Variants in UBE2K observed in about 807,000 individuals in gnomAD.
UBE2K encodes the protein ubiquitin-conjugating enzyme E2 K.
Under a neutral mutation model 30.0 loss-of-function variants are expected in UBE2K, and 6 were observed. The ratio of observed to expected loss-of-function variants is 0.20; its 90% CI spans 0.11 to 0.39. UBE2K has a LOEUF of 0.39. Among genes scored for constraint, UBE2K ranks in the 10% least tolerant of loss-of-function variants. UBE2K has a pLI of 1.00. For missense variants in UBE2K, 61 were observed against 241.6 expected (o/e 0.25, Z 4.96); for synonymous variants, 86 against 83.7 (o/e 1.03, Z -0.15).
intron 1 of UBE2K, chr4:39,713,882 C>T (rs112255008): frequency 2.6e-5 from 4 of 151,888 alleles, no homozygotes; most frequent in Non-Finnish European, 4.4e-5. Context: ...CATCCTTGCC[C>T]ATGAGCAGCT....
intron 4 of UBE2K, among the ~76,000 whole-genome samples, chr4:39,768,256 C>A (rs538722181): frequency 7.7e-6 from 1 of 129,612 alleles, no homozygotes; most frequent in South Asian, 2.5e-4. Context: ...CTGGCCAACA[C>A]GGTAAAACCC....
chr4:39,767,340 G>A (rs1305693816), intron 4 of UBE2K, among the ~76,000 whole-genome samples: 1 of 142,770 alleles, frequency 7.0e-6, no homozygotes, highest in Non-Finnish European at 1.5e-5. Flanking sequence ...TTGTTTGTTT[G>A]TTTTTTGAGA....
chr4:39,698,838 A>G (rs1313087124), intron 1 of UBE2K, among the ~76,000 whole-genome samples: 1 of 152,134 alleles, frequency 6.6e-6, no homozygotes, highest in Non-Finnish European at 1.5e-5. Flanking sequence ...ATTCGGGGTT[A>G]TTGCCTGTCA....
At chr4:39,777,929 GAAA>G in intron 6 of UBE2K, 119 bp downstream of exon 6, 1 of 933,324 alleles carries the variant, frequency 1.1e-6, no homozygotes, top group Non-Finnish European at 1.5e-6. Flanking sequence ...GCAACATGGC[GAAA>G]CCCATCTCTA....
intron 4 of UBE2K, among the ~76,000 whole-genome samples, chr4:39,762,700 T>C (rs1712034704): frequency 6.6e-6 from 1 of 152,222 alleles, no homozygotes; most frequent in African/African-American, 2.4e-5. Flanking sequence ...AATGGCACAA[T>C]CTTGGCTCAC....
At chr4:39,716,436 A>G (rs1719064848) in intron 1 of UBE2K, among the ~76,000 whole-genome samples, 1 of 152,012 alleles carries the variant, frequency 6.6e-6, no homozygotes, top group Non-Finnish European at 1.5e-5. Context: ...TTTTGTGGAG[A>G]CAGGGTTTTG....
At chr4:39,763,115 G>A (rs1302273433) in intron 4 of UBE2K, among the ~76,000 whole-genome samples, 1 of 144,406 alleles carries the variant, frequency 6.9e-6, no homozygotes, top group African/African-American at 2.6e-5. Context: ...GCTAATATTT[G>A]TGTTTTTAAT....
intron 1 of UBE2K, among the ~76,000 whole-genome samples, chr4:39,710,774 C>T (rs1201290556): frequency 1.3e-5 from 2 of 151,966 alleles, no homozygotes; most frequent in Admixed American, 6.6e-5. Flanking sequence ...GCTGCTTGCT[C>T]CCTACATTTT....
At chr4:39,734,641 T>A (rs1388268874) in intron 1 of UBE2K, among the ~76,000 whole-genome samples, 1 of 151,866 alleles carries the variant, frequency 6.6e-6, no homozygotes, top group Admixed American at 6.6e-5. Context: ...CAAAACCCCC[T>A]CTCTACTAAA....
rs28370449 is a variant in UBE2K, at chr4:39,738,534, C to T, written c.157+1021C>T. 7.5e-3 allele frequency among the ~76,000 whole-genome samples: 1,146 copies of T among 152,256 alleles called. 15 individuals carry two copies. Among genetic ancestry groups the T allele is most frequent in the African/African-American group, 0.026 (1,086 of 41,548 alleles). ...ATGCAAAGTTTTACTGTTACCCAAG[C>T]TGGAGAGCAGTGGCATGGTCATAGC... On this transcript the variant is annotated intron_variant, in intron 2 of 6. Coordinates refer to ENST00000261427, the MANE Select transcript of UBE2K (RefSeq NM_005339.5).
chr4:39,724,307 G>T (rs1719605669), intron 1 of UBE2K, among the ~76,000 whole-genome samples: 1 of 151,712 alleles, frequency 6.6e-6, no homozygotes, highest in African/African-American at 2.4e-5. Flanking sequence ...GTGGGGTTTT[G>T]CTGTGTTGAC....
intron 5 of UBE2K, 134 bp downstream of exon 5, chr4:39,775,067 ATTATT>A: frequency 2.0e-6 from 1 of 495,166 alleles, no homozygotes. Flanking sequence ...TTGTGGTAGG[ATTATT>A]TTGTCAGGTG....
chr4:39,711,311 C>T (rs1264610257), intron 1 of UBE2K, among the ~76,000 whole-genome samples: 4 of 151,032 alleles, frequency 2.6e-5, no homozygotes, highest in African/African-American at 7.3e-5. Flanking sequence ...TACAGGCGCC[C>T]GCCACCAAGC....
intron 4 of UBE2K, among the ~76,000 whole-genome samples, chr4:39,773,679 T>C (rs1276844906): frequency 1.3e-5 from 2 of 151,924 alleles, no homozygotes; most frequent in Non-Finnish European, 2.9e-5. Context: ...CCCAGCACTT[T>C]GGGAGGCCGA....
At chr4:39,745,345 C>A (rs1419681291) in intron 2 of UBE2K, among the ~76,000 whole-genome samples, 1 of 152,014 alleles carries the variant, frequency 6.6e-6, no homozygotes, top group African/African-American at 2.4e-5. Context: ...ATCATCTGTA[C>A]TTTTATACCT....
intron 1 of UBE2K, among the ~76,000 whole-genome samples, chr4:39,715,025 A>AT (rs905603415): frequency 0.11 from 14,663 of 133,820 alleles, 1,039 homozygotes; most frequent in East Asian, 0.21. Context: ...CTCTTGGCTA[A>AT]TTTTTTTTTT....
At chr4:39,738,703 T>C (rs1425027890) in intron 2 of UBE2K, among the ~76,000 whole-genome samples, 20 of 152,126 alleles carry the variant, frequency 1.3e-4, no homozygotes, top group Admixed American at 1.3e-4. Context: ...TTTTTGAGAC[T>C]GAGTCTCTCT....
chr4:39,764,582 A>G (rs143268154), intron 4 of UBE2K, among the ~76,000 whole-genome samples: 174 of 151,974 alleles, frequency 1.1e-3, no homozygotes, highest in African/African-American at 3.7e-3. Context: ...ACAGGTGCAC[A>G]CCACCATGCC....
chr4:39,779,019 G>A lies in UBE2K; in HGVS notation c.*585G>A, dbSNP rs1338138592. On this transcript the variant is annotated 3_prime_UTR_variant, in exon 7 of 7. Coordinates refer to ENST00000261427, the MANE Select transcript of UBE2K (RefSeq NM_005339.5). ...CCTTTTTGTCCTTGTCAACAGACTGGGACAGTGTCTGATTCCCCCTTCACC... is the reference window on the plus strand; with the variant it reads ...CCTTTTTGTCCTTGTCAACAGACTGAGACAGTGTCTGATTCCCCCTTCACC... The A allele has an allele frequency of 1.3e-5, 2 of 151,658 alleles. No homozygotes were observed. The highest frequency in any genetic ancestry group is 2.4e-5 in the African/African-American group (1 of 41,072). 9.4% of individuals were successfully genotyped at this position (151,658 alleles called of 1,614,324 possible). A position where few individuals can be genotyped will look rare whatever the true frequency, so the allele number is the denominator to read the frequency against.
Sources: gnomAD v4.1 joint callset for allele counts (sites outside exome capture counted in the v4.1 genomes callset) on GRCh38, gnomAD v4.1.1 for gene constraint, MANE v1.5 for transcripts, NCBI Gene and HGNC (gene_info 2026-07-23, HGNC 2026-07-21) for gene names.